The following HAO1 variants were observed in gnomAD, a reference collection of about 807,000 sequenced individuals.
HAO1 encodes the protein 2-Hydroxyacid oxidase 1.
In HAO1, 34 loss-of-function variants were observed where a neutral mutation model predicts 39.7. The observed-to-expected ratio is 0.86, with a 90% CI of 0.65 to 1.14. The LOEUF (loss-of-function observed/expected upper bound fraction) is 1.14. Among genes scored for constraint, HAO1 ranks in the 50% most tolerant of loss-of-function variants. The probability of loss-of-function intolerance (pLI) is 0.00; values close to 1 mark genes in which losing one functional copy is unlikely to be tolerated. For synonymous variants in HAO1, 172 were observed against 173.2 expected (o/e 0.99, Z 0.05); for missense variants, 479 against 464.5 (o/e 1.03, Z -0.29).
intron 2 of HAO1, among the ~76,000 whole-genome samples, chr20:7,926,086 CAGAA>C (rs2050358053): frequency 6.6e-6 from 1 of 151,920 alleles, no homozygotes; most frequent in African/African-American, 2.4e-5. Flanking sequence ...TGCTTACACA[CAGAA>C]AGAGCATGTC....
intron 5 of HAO1, among the ~76,000 whole-genome samples, chr20:7,888,643 C>T (rs1022047140): frequency 2.6e-5 from 4 of 152,140 alleles, no homozygotes; most frequent in African/African-American, 9.7e-5. Flanking sequence ...CTTAGAAAAT[C>T]ACTGGTTCAT....
chr20:7,939,481 T>C (rs2050430763), intron 1 of HAO1, among the ~76,000 whole-genome samples: 1 of 152,192 alleles, frequency 6.6e-6, no homozygotes, highest in Non-Finnish European at 1.5e-5. Flanking sequence ...TTTGTCTTTA[T>C]CACCATCAAT....
chr20:7,892,719 T>C (rs1468641314), intron 5 of HAO1, among the ~76,000 whole-genome samples: 2 of 152,084 alleles, frequency 1.3e-5, no homozygotes, highest in African/African-American at 4.8e-5. Flanking sequence ...AGAGAGGTGG[T>C]GGTCTGGAAA....
Position 7,934,565 on chromosome 20 carries a change from T to C in HAO1, c.208A>G (p.Arg70Gly), listed in dbSNP as rs147089441. The C allele has an allele frequency of 5.1e-4, 823 of 1,613,056 alleles. 5 individuals carry two copies. The African/African-American group carries it at 9.9e-3, about 19-fold the overall frequency. The change falls in exon 2 of 8, where the codon AGG becomes GGG. Residue 70 changes from arginine (R) to glycine (G), a missense_variant. Coordinates refer to ENST00000378789, the MANE Select transcript of HAO1 (RefSeq NM_017545.3). Reference protein sequence around the residue: ...TDLSTSVLGQRVSMPICVGAT... With the variant: ...TDLSTSVLGQGVSMPICVGAT... ...CCCACACATATTGGCATGCTGACCC[T>C]CTGTCCTAAAACAGAAGTCGACAGA...
At chr20:7,910,930 A>C (rs914253610) in intron 3 of HAO1, among the ~76,000 whole-genome samples, 1 of 151,832 alleles carries the variant, frequency 6.6e-6, no homozygotes, top group Non-Finnish European at 1.5e-5. Context: ...TCTACCATCA[A>C]TTTTTATTGT....
In HAO1 at chr20:7,914,169, T is replaced by G; in HGVS notation, c.540A>C (p.Gln180His). The G allele has an allele frequency of 6.2e-7, 1 of 1,613,888 alleles. No homozygotes were observed. Among genetic ancestry groups the G allele is most frequent in the Non-Finnish European group, 8.5e-7 (1 of 1,179,846 alleles). The change falls in exon 3 of 8, where the codon CAA becomes CAC. Residue 180 changes from glutamine (Q) to histidine (H), a missense_variant. Transcript: ENST00000378789. ...DVRNRFKLPP[Q>H]LRMKNFETST... Reference sequence around the variant, plus strand: ...GCCCACATGATCATGGTTACCTGAGTTGTGGCGGCAGTTTGAATCTGTTAC... The same window carrying G: ...GCCCACATGATCATGGTTACCTGAGGTGTGGCGGCAGTTTGAATCTGTTAC...
intron 4 of HAO1, among the ~76,000 whole-genome samples, chr20:7,899,945 T>C (rs572482306): frequency 1.3e-5 from 2 of 152,286 alleles, no homozygotes; most frequent in East Asian, 1.9e-4. Flanking sequence ...ATTAATATTT[T>C]ATTTCCATAT....
intron 4 of HAO1, among the ~76,000 whole-genome samples, chr20:7,903,864 T>A (rs1293600376): frequency 4.6e-5 from 5 of 108,152 alleles, no homozygotes; most frequent in Non-Finnish European, 8.6e-5. Flanking sequence ...GTAGCGGTGG[T>A]GGTGGTGGTG....
rs758462740 is a variant in HAO1, at chr20:7,934,534, G to A, written c.239C>T (p.Thr80Met). The change falls in exon 2 of 8, where the codon ACG becomes ATG. Residue 80 changes from threonine to methionine, a missense_variant. By Grantham distance (81) the Thr-to-Met change is moderately conservative. Coordinates refer to ENST00000378789, the MANE Select transcript of HAO1 (RefSeq NM_017545.3). ...CACATGAGCCATGCGCTGCATGGCCGTAGCCCCCACACATATTGGCATGCT... is the reference window on the plus strand; with the variant it reads ...CACATGAGCCATGCGCTGCATGGCCATAGCCCCCACACATATTGGCATGCT... ...RVSMPICVGA[T>M]AMQRMAHVDG... 9.4e-5 allele frequency: 152 copies of A among 1,612,794 alleles called. No homozygotes were observed. Among genetic ancestry groups the A allele is most frequent in the Non-Finnish European group, 1.2e-4 (145 of 1,179,044 alleles).
At chr20:7,903,519 A>G (rs373030354) in intron 4 of HAO1, among the ~76,000 whole-genome samples, 13 of 148,974 alleles carry the variant, frequency 8.7e-5, no homozygotes, top group African/African-American at 2.7e-4. Context: ...GGTAGTGGTG[A>G]TACTGGTGGT....
At chr20:7,900,399 G>A (rs1023723123) in intron 4 of HAO1, among the ~76,000 whole-genome samples, 3 of 152,106 alleles carry the variant, frequency 2.0e-5, no homozygotes, top group Admixed American at 6.5e-5. Flanking sequence ...AAGTGGCATT[G>A]TGGCAACCCC....
chr20:7,899,220 G>A (rs765383031), intron 4 of HAO1, among the ~76,000 whole-genome samples: 3 of 151,810 alleles, frequency 2.0e-5, no homozygotes, highest in Admixed American at 6.6e-5. Context: ...TTAACTTCTC[G>A]GTGCATCATT....
Position 7,883,640 on chromosome 20 carries a change from C to T in HAO1, c.1066G>A (p.Asp356Asn), listed in dbSNP as rs1348048425. The change falls in exon 8 of 8, where the codon GAC becomes AAC. Residue 356 changes from aspartate to asparagine, a missense_variant. Coordinates refer to ENST00000378789, the MANE Select transcript of HAO1 (RefSeq NM_017545.3). ...LSGCQNVKVI[D>N]KTLVRKNPLA... ...GGATTTTTCCTCACCAATGTCTTGTCGATGACTTTCACATTCTGGCACCCT... is the reference window on the plus strand; with the variant it reads ...GGATTTTTCCTCACCAATGTCTTGTTGATGACTTTCACATTCTGGCACCCT... 14 of 1,612,244 alleles carry T rather than the reference C, an allele frequency of 8.7e-6. No homozygotes were observed. The highest frequency in any genetic ancestry group is 6.7e-5 in the African/African-American group (5 of 74,848).
chr20:7,890,066 T>C (rs553063444), intron 5 of HAO1, among the ~76,000 whole-genome samples: 1 of 152,186 alleles, frequency 6.6e-6, no homozygotes, highest in Non-Finnish European at 1.5e-5. Context: ...GAGGGAACTT[T>C]GTACTTTGCG....
In HAO1 at chr20:7,914,426, A is replaced by T. The variant is rs2050296876; in HGVS notation, c.290-7T>A. 6.2e-7 allele frequency: 1 copy of T among 1,611,956 alleles called. No homozygotes were observed. The highest frequency in any genetic ancestry group is 8.5e-7 in the Non-Finnish European group (1 of 1,178,788). On this transcript the variant is annotated splice_polypyrimidine_tract_variant and splice_region_variant and intron_variant, in intron 2 of 7. Coordinates refer to ENST00000378789, the MANE Select transcript of HAO1 (RefSeq NM_017545.3). ...GTTCCCAGGGACTGACAGGCTGAGAAAGAAAGGGGATGATCAAGATGGGCC... is the reference window on the plus strand; with the variant it reads ...GTTCCCAGGGACTGACAGGCTGAGATAGAAAGGGGATGATCAAGATGGGCC...
rs186791070 is a variant in HAO1 at position 7,885,804 on chromosome 20, C to G, written c.874G>C (p.Gly292Arg). The G allele has an allele frequency of 1.9e-6, 3 of 1,613,256 alleles. No individual in the cohort carries two copies. Among genetic ancestry groups the G allele is most frequent in the African/African-American group, 2.7e-5 (2 of 74,890 alleles). ...ACATCAGTGCCTTTCCGCACACCCC[C>G]GTCCAGGAAGACTTCCACCTTCCCT... ...VEGKVEVFLD[G>R]GVRKGTDVLK... The change falls in exon 6 of 8, where the codon GGG (glycine) becomes CGG (arginine). Residue 292 changes from glycine (G) to arginine (R), a missense_variant. Transcript: ENST00000378789.
At chr20:7,891,548 A>C (rs890919119) in intron 5 of HAO1, among the ~76,000 whole-genome samples, 1 of 152,108 alleles carries the variant, frequency 6.6e-6, no homozygotes, top group Non-Finnish European at 1.5e-5. Context: ...TAGTTTAATT[A>C]ACTCCCAGCT....
At chr20:7,886,750 T>G (rs1426563443) in intron 5 of HAO1, among the ~76,000 whole-genome samples, 3 of 152,244 alleles carry the variant, frequency 2.0e-5, no homozygotes, top group African/African-American at 7.2e-5. Flanking sequence ...TAGGTTGGCA[T>G]CAAAGTGCAC....
chr20:7,918,251 C>T (rs538252941), intron 2 of HAO1, among the ~76,000 whole-genome samples: 6 of 152,098 alleles, frequency 3.9e-5, no homozygotes, highest in Non-Finnish European at 8.8e-5. Context: ...TGACTATTTG[C>T]TATGACAAAG....
Sources: gnomAD v4.1 joint callset for allele counts (sites outside exome capture counted in the v4.1 genomes callset) on GRCh38, gnomAD v4.1.1 for gene constraint, MANE v1.5 for transcripts, NCBI Gene and HGNC (gene_info 2026-07-23, HGNC 2026-07-21) for gene names.